The following CADPS variants were observed in gnomAD, a reference collection of about 807,000 sequenced individuals.
The protein encoded by CADPS is calcium dependent secretion activator.
CADPS carries 57 observed loss-of-function variants against 167.3 expected under a neutral mutation model. That is an observed-to-expected ratio of 0.34 (90% CI 0.28 to 0.42). CADPS has a LOEUF of 0.42. Ranked by LOEUF, CADPS falls within the 20% of genes least tolerant of loss-of-function variation. The pLI, the probability that CADPS is intolerant of heterozygous loss-of-function variation, is 1.00. For missense variants in CADPS, 1,414 were observed against 1,738.1 expected (o/e 0.81, Z 3.32); for synonymous variants, 676 against 635.3 (o/e 1.06, Z -0.96).
At chr3:62,758,863 T>C (rs141315391) in intron 2 of CADPS, among the ~76,000 whole-genome samples, 1 of 152,330 alleles carries the variant, frequency 6.6e-6, no homozygotes, top group African/African-American at 2.4e-5. Flanking sequence ...TTTAGAAACA[T>C]ACAAACACAT....
At chr3:62,769,379 G>A (rs1481744316) in intron 1 of CADPS, among the ~76,000 whole-genome samples, 1 of 151,922 alleles carries the variant, frequency 6.6e-6, no homozygotes, top group East Asian at 1.9e-4. Context: ...CTATGGGTGT[G>A]TGCCTCTACA....
In CADPS at chr3:62,857,039, TAACA is replaced by T. The variant is rs562104685; in HGVS notation, c.441+17546_441+17549del. On this transcript the variant is annotated intron_variant, in intron 1 of 29. Coordinates refer to ENST00000383710, the MANE Select transcript of CADPS (RefSeq NM_003716.4). ...CTAGACATAAATATGTCGAACAACATAACAAACATAAAAACGGTCCATCACAAAT... is the reference window on the plus strand; with the variant it reads ...CTAGACATAAATATGTCGAACAACATAACATAAAAACGGTCCATCACAAAT... 1.0e-3 allele frequency among the ~76,000 whole-genome samples: 152 copies of T among 152,108 alleles called. 1 individual carries two copies. Among genetic ancestry groups the T allele is most frequent in the African/African-American group, 3.6e-3 (149 of 41,524 alleles).
intron 1 of CADPS, among the ~76,000 whole-genome samples, chr3:62,843,642 T>C (rs2076958792): frequency 1.3e-5 from 2 of 152,106 alleles, no homozygotes; most frequent in Admixed American, 6.5e-5. Flanking sequence ...TCCTGCCTTA[T>C]AGTACAAGAC....
chr3:62,701,712 C>G (rs1293252247), intron 3 of CADPS, among the ~76,000 whole-genome samples: 2 of 151,992 alleles, frequency 1.3e-5, no homozygotes, highest in Admixed American at 6.5e-5. Context: ...GGCACTGCCT[C>G]AGGGCACAGA....
At chr3:62,516,860 G>C (rs1348513686) in intron 14 of CADPS, among the ~76,000 whole-genome samples, 2 of 152,110 alleles carry the variant, frequency 1.3e-5, no homozygotes, top group East Asian at 3.9e-4. Flanking sequence ...CTCTGCAAAT[G>C]TCTGCAGCAG....
At chr3:62,873,946 G>A (rs117731571) in intron 1 of CADPS, among the ~76,000 whole-genome samples, 1 of 152,324 alleles carries the variant, frequency 6.6e-6, no homozygotes, top group Non-Finnish European at 1.5e-5. Context: ...CAGTGCCCGA[G>A]GACACTTTGG....
intron 28 of CADPS, among the ~76,000 whole-genome samples, chr3:62,406,167 C>T (rs539614907): frequency 9.8e-5 from 15 of 152,302 alleles, no homozygotes; most frequent in Middle Eastern, 3.4e-3. Flanking sequence ...TTCCCGAATC[C>T]GCGTTCAGGG....
chr3:62,588,401 A>G (rs1339515167), intron 7 of CADPS, among the ~76,000 whole-genome samples: 2 of 149,714 alleles, frequency 1.3e-5, no homozygotes, highest in African/African-American at 2.5e-5. Flanking sequence ...GTTTTTTACC[A>G]GTCATTATTC....
chr3:62,599,868 A>G (rs2059676481), intron 6 of CADPS, among the ~76,000 whole-genome samples: 1 of 58,738 alleles, frequency 1.7e-5, no homozygotes, highest in South Asian at 5.0e-4. Context: ...TATAATATAT[A>G]ATAATATATA....
chr3:62,672,599 A>T lies in CADPS; in HGVS notation c.889-10205T>A, dbSNP rs918795856. On this transcript the variant is annotated intron_variant, in intron 3 of 29. Coordinates refer to ENST00000383710, the MANE Select transcript of CADPS (RefSeq NM_003716.4). ...CATACTCTTGCTTGGCCCCTGGTCAATGTGAATTCTCTTTCCTCTTCTGTC... is the reference window on the plus strand; with the variant it reads ...CATACTCTTGCTTGGCCCCTGGTCATTGTGAATTCTCTTTCCTCTTCTGTC... Among the ~76,000 whole-genome samples, 4 of 152,108 alleles carry T rather than the reference A, an allele frequency of 2.6e-5. 1 individual carries two copies. Among genetic ancestry groups the T allele is most frequent in the Admixed American group, 6.6e-5 (1 of 15,258 alleles).
At chr3:62,574,966 A>G (rs537963280) in intron 8 of CADPS, among the ~76,000 whole-genome samples, 1 of 152,338 alleles carries the variant, frequency 6.6e-6, no homozygotes, top group South Asian at 2.1e-4. Flanking sequence ...TACAAAGGGA[A>G]GTAGATGACT....
At chr3:62,404,982 A>G (rs1008617752) in intron 28 of CADPS, 3 of 151,782 alleles carry the variant, frequency 2.0e-5, no homozygotes, top group African/African-American at 7.3e-5. Context: ...CTGTCACTGC[A>G]TCTGGGCTTG....
chr3:62,617,881 G>A (rs954013741), intron 6 of CADPS, among the ~76,000 whole-genome samples: 7 of 152,132 alleles, frequency 4.6e-5, no homozygotes, highest in Non-Finnish European at 1.5e-5. Context: ...AACATCTGTT[G>A]TTTTTGCCTG....
In CADPS at chr3:62,648,765, G is replaced by A. The variant is rs777204025; in HGVS notation, c.1203+2082C>T. On this transcript the variant is annotated intron_variant, in intron 5 of 29. Transcript: ENST00000383710. ...AAAATCAATAAACCACTTTCCCCCC[G>A]TTTCTGTAGGAAGACAAGAGGCAGT... is the stretch of plus-strand genomic sequence containing the variant. 8.1e-5 allele frequency among the ~76,000 whole-genome samples: 12 copies of A among 147,974 alleles called. No homozygotes were observed. The South Asian group carries it at 2.2e-3, about 27-fold the overall frequency.
intron 28 of CADPS, among the ~76,000 whole-genome samples, chr3:62,435,648 C>T (rs1225010249): frequency 6.6e-6 from 1 of 152,034 alleles, no homozygotes; most frequent in Non-Finnish European, 1.5e-5. Flanking sequence ...CTTGTTATCT[C>T]TAAATAAGCT....
intron 21 of CADPS, among the ~76,000 whole-genome samples, chr3:62,489,074 T>C (rs552311383): frequency 1.3e-5 from 2 of 152,312 alleles, no homozygotes; most frequent in South Asian, 2.1e-4. Context: ...TTTCCAGGTA[T>C]GAAGATGATT....
chr3:62,794,964 A>G (rs304170), intron 1 of CADPS, among the ~76,000 whole-genome samples: 22,331 of 151,758 alleles, frequency 0.15, 3,380 homozygotes, highest in African/African-American at 0.38. Context: ...TCTTTGCCAG[A>G]GCGCTATGGG....
chr3:62,736,625 T>C (rs1003656224), intron 3 of CADPS, among the ~76,000 whole-genome samples: 3 of 152,238 alleles, frequency 2.0e-5, no homozygotes, highest in Non-Finnish European at 4.4e-5. Context: ...AGTCATTATA[T>C]AGGAAAAATT....
At chr3:62,482,284 C>A (rs2062127286) in intron 21 of CADPS, among the ~76,000 whole-genome samples, 1 of 152,094 alleles carries the variant, frequency 6.6e-6, no homozygotes. Context: ...CTTCAATTTT[C>A]TTATTTTTAA....
Sources: gnomAD v4.1 joint callset for allele counts (sites outside exome capture counted in the v4.1 genomes callset) on GRCh38, gnomAD v4.1.1 for gene constraint, MANE v1.5 for transcripts, NCBI Gene and HGNC (gene_info 2026-07-23, HGNC 2026-07-21) for gene names.